Variants in TMEM164 observed in about 807,000 individuals in gnomAD.
TMEM164 encodes the protein RP13-360B22.2.
In TMEM164, 4 loss-of-function variants were observed where a neutral mutation model predicts 18.8. That is an observed-to-expected ratio of 0.21 (90% CI 0.10 to 0.49). The LOEUF is 0.49. Ranked by LOEUF, TMEM164 falls within the 20% of genes least tolerant of loss-of-function variation. The pLI, the probability that TMEM164 is intolerant of heterozygous loss-of-function variation, is 0.98. For synonymous variants in TMEM164, 86 were observed against 101.7 expected, an observed-to-expected ratio of 0.85 and a Z score of 0.93; for missense variants, 108 against 239.9, an observed-to-expected ratio of 0.45 and a Z score of 3.63.
At chrX:110,007,683 T>C (rs1048079049) in intron 2 of TMEM164, among the ~76,000 whole-genome samples, 2 of 112,367 alleles carry the variant, frequency 1.8e-5, no homozygotes, top group Non-Finnish European at 3.8e-5. Flanking sequence ...CTACAGTTTC[T>C]CAGCAGAAGG....
chrX:110,171,571 A>C, intron 6 of TMEM164, 51 bp downstream of exon 6: 1 of 991,907 alleles, frequency 1.0e-6, no homozygotes, highest in South Asian at 1.9e-5. Context: ...GTTCTCCATA[A>C]ATCTTGGTAA....
intron 5 of TMEM164, among the ~76,000 whole-genome samples, chrX:110,150,686 T>C (rs1226781985): frequency 8.9e-6 from 1 of 112,300 alleles, no homozygotes; most frequent in East Asian, 2.8e-4. Flanking sequence ...TAAAAATATT[T>C]TCCCCCTTCT....
intron 3 of TMEM164, among the ~76,000 whole-genome samples, chrX:110,095,327 A>C (rs1207467032): frequency 1.8e-5 from 2 of 112,067 alleles, no homozygotes; most frequent in South Asian, 3.7e-4. Flanking sequence ...AATCAGACGT[A>C]GATTTGGTCT....
At chrX:110,143,544 G>A (rs781702713) in intron 4 of TMEM164, among the ~76,000 whole-genome samples, 1 of 111,485 alleles carries the variant, frequency 9.0e-6, no homozygotes, top group East Asian at 2.8e-4. Context: ...ATTATTTTCC[G>A]TGTGGATTTT....
At chrX:110,180,627 CA>C (rs746558409), downstream of TMEM164, among the ~76,000 whole-genome samples, 3 of 111,409 alleles carry the variant, frequency 2.7e-5, no homozygotes, top group Admixed American at 2.8e-4. Flanking sequence ...ATGCCCTCCA[CA>C]GCTGACTTCC....
chrX:110,180,061 A>G (rs751744728), downstream of TMEM164, among the ~76,000 whole-genome samples: 1 of 112,211 alleles, frequency 8.9e-6, no homozygotes, highest in Non-Finnish European at 1.9e-5. Flanking sequence ...CTGGATAAGG[A>G]GGCAGTATTG....
intron 2 of TMEM164, among the ~76,000 whole-genome samples, chrX:110,053,817 G>A (rs1380556832): frequency 8.9e-6 from 1 of 111,950 alleles, no homozygotes; most frequent in Non-Finnish European, 1.9e-5. Context: ...GTCAGAGGAG[G>A]AGGACTCCTG....
At chrX:110,166,367 ACCAT>A (rs2067159175) in intron 5 of TMEM164, among the ~76,000 whole-genome samples, 1 of 112,549 alleles carries the variant, frequency 8.9e-6, no homozygotes, top group African/African-American at 3.2e-5. Context: ...AGTGGGGACC[ACCAT>A]CTTTGCCTCC....
chrX:110,088,068 A>C (rs756589847), intron 3 of TMEM164, among the ~76,000 whole-genome samples: 1 of 112,226 alleles, frequency 8.9e-6, no homozygotes, highest in African/African-American at 3.2e-5. Context: ...ATGACAGTGC[A>C]GTATCCCCAT....
At chrX:110,097,631 T>G (rs2066042693) in intron 3 of TMEM164, among the ~76,000 whole-genome samples, 1 of 112,226 alleles carries the variant, frequency 8.9e-6, no homozygotes, top group African/African-American at 3.2e-5. Context: ...AGAGTAGAGG[T>G]TCCCCTTGTA....
chrX:110,107,420 A>G (rs1000272221), intron 3 of TMEM164, among the ~76,000 whole-genome samples: 1 of 112,449 alleles, frequency 8.9e-6, no homozygotes, highest in African/African-American at 3.2e-5. Context: ...GCAGTTAATC[A>G]GATACTTGCC....
At chrX:110,132,604 G>A (rs769030767) in intron 4 of TMEM164, among the ~76,000 whole-genome samples, 4 of 111,623 alleles carry the variant, frequency 3.6e-5, no homozygotes, top group Non-Finnish European at 3.8e-5. Context: ...TATGTTTTAG[G>A]TAGTTTTCTG....
chrX:110,003,646 C>A lies in TMEM164; in HGVS notation c.-129C>A. On this transcript the variant is annotated 5_prime_UTR_variant, in exon 2 of 7. Coordinates refer to ENST00000372068, the MANE Select transcript of TMEM164 (RefSeq NM_032227.4). ...AGCTTCCCCTCCCCTACTCTCGGTG[C>A]CCTGGTGTCTGGAGGGGGGTTGTGG... The A allele has an allele frequency of 1.3e-6, 1 of 774,305 alleles. No individual in the cohort carries two copies. The highest frequency in any genetic ancestry group is 1.8e-6 in the Non-Finnish European group (1 of 542,766). 63.8% of individuals were successfully genotyped at this position (774,305 alleles called of 1,213,427 possible). A position where few individuals can be genotyped will look rare whatever the true frequency, so the allele number is the denominator to read the frequency against.
intron 4 of TMEM164, among the ~76,000 whole-genome samples, chrX:110,134,777 G>A (rs1018205878): frequency 1.0e-4 from 11 of 109,563 alleles, no homozygotes; most frequent in Admixed American, 2.0e-4. Context: ...GTCTATGGAT[G>A]CCCCCTTTAC....
chrX:110,109,163 A>G lies in TMEM164; in HGVS notation c.507+17A>G. The G allele has an allele frequency of 8.4e-7, 1 of 1,192,737 alleles. No homozygotes were observed. Among genetic ancestry groups the G allele is most frequent in the South Asian group, 1.8e-5 (1 of 56,534 alleles). ...ACTCGGCTGGTAAGTAGCCTCTTCTAGGAATGTAACAGCAACATGCAAAGC... is the reference window on the plus strand; with the variant it reads ...ACTCGGCTGGTAAGTAGCCTCTTCTGGGAATGTAACAGCAACATGCAAAGC... On this transcript the variant is annotated intron_variant, in intron 4 of 6. Transcript: ENST00000372068.
chrX:110,015,558 T>TA (rs968314508), intron 2 of TMEM164, among the ~76,000 whole-genome samples: 15 of 109,399 alleles, frequency 1.4e-4, no homozygotes, highest in African/African-American at 4.8e-4. Flanking sequence ...TGAGTGTGTG[T>TA]GTGTGTGTGT....
At chrX:110,046,870 T>C (rs1935337012) in intron 2 of TMEM164, among the ~76,000 whole-genome samples, 1 of 112,279 alleles carries the variant, frequency 8.9e-6, no homozygotes, top group South Asian at 3.6e-4. Flanking sequence ...CTTGACCCAC[T>C]TGCATCAGAG....
At chrX:110,171,071 C>A (rs1254136322) in intron 5 of TMEM164, among the ~76,000 whole-genome samples, 1 of 111,972 alleles carries the variant, frequency 8.9e-6, no homozygotes, top group Non-Finnish European at 1.9e-5. Context: ...AGTAAGATTG[C>A]AAATACTAAT....
At chrX:110,154,901 A>G (rs2066995333) in intron 5 of TMEM164, among the ~76,000 whole-genome samples, 1 of 112,008 alleles carries the variant, frequency 8.9e-6, no homozygotes, top group South Asian at 3.8e-4. Flanking sequence ...CTCACTTGCA[A>G]AATGAGGGTA....
Sources: gnomAD v4.1 joint callset for allele counts (sites outside exome capture counted in the v4.1 genomes callset) on GRCh38, gnomAD v4.1.1 for gene constraint, MANE v1.5 for transcripts, NCBI Gene and HGNC (gene_info 2026-07-23, HGNC 2026-07-21) for gene names.